The following FRMD4A variants were observed in gnomAD, a reference collection of about 807,000 sequenced individuals.
FRMD4A encodes the protein FERM domain containing 4A, also known as FERM domain-containing protein 4A.
A neutral mutation model predicts 129.1 loss-of-function variants in FRMD4A; 29 were observed. The ratio of observed to expected loss-of-function variants is 0.22; its 90% CI spans 0.17 to 0.31. The LOEUF (loss-of-function observed/expected upper bound fraction) is 0.31, where lower values mean the gene tolerates loss of function less well. Among genes scored for constraint, FRMD4A ranks in the 10% least tolerant of loss-of-function variants. The pLI, the probability that FRMD4A is intolerant of heterozygous loss-of-function variation, is 1.00. For missense variants in FRMD4A, 1,272 were observed against 1,375.8 expected (o/e 0.92, Z 1.19); for synonymous variants, 634 against 571.6 (o/e 1.11, Z -1.56).
intron 9 of FRMD4A, among the ~76,000 whole-genome samples, chr10:13,741,470 A>G (rs940629593): frequency 6.6e-6 from 1 of 152,064 alleles, no homozygotes; most frequent in Non-Finnish European, 1.5e-5. Context: ...AAACAAAAGA[A>G]CAAAAAGACT....
chr10:13,831,532 T>C (rs1340566387), intron 3 of FRMD4A, among the ~76,000 whole-genome samples: 8 of 152,188 alleles, frequency 5.3e-5, no homozygotes, highest in African/African-American at 1.9e-4. Context: ...GCATTAAGGT[T>C]TTCTGAACTG....
intron 2 of FRMD4A, among the ~76,000 whole-genome samples, chr10:14,227,783 C>G (rs535755776): frequency 1.3e-5 from 2 of 152,308 alleles, no homozygotes; most frequent in Admixed American, 1.3e-4. Context: ...GAACAGGTTC[C>G]TGGCTCATAG....
chr10:14,317,359 C>T (rs1343597894), intron 2 of FRMD4A, among the ~76,000 whole-genome samples: 2 of 152,152 alleles, frequency 1.3e-5, no homozygotes, highest in Non-Finnish European at 2.9e-5. Context: ...GTTCCCTGTA[C>T]CTGGAACTAC....
chr10:13,769,257 G>A (rs971975542), intron 6 of FRMD4A, among the ~76,000 whole-genome samples: 4 of 151,028 alleles, frequency 2.6e-5, no homozygotes, highest in Non-Finnish European at 5.9e-5. Flanking sequence ...GTGTGTACTG[G>A]TCACCGTGTC....
At chr10:14,014,158 G>C (rs957596697) in intron 2 of FRMD4A, among the ~76,000 whole-genome samples, 1 of 152,168 alleles carries the variant, frequency 6.6e-6, no homozygotes, top group Admixed American at 6.5e-5. Context: ...CCTGCCCCCA[G>C]CTGGGGGATG....
At chr10:13,999,998 T>A (rs2095636045) in intron 2 of FRMD4A, among the ~76,000 whole-genome samples, 1 of 152,210 alleles carries the variant, frequency 6.6e-6, no homozygotes, top group African/African-American at 2.4e-5. Flanking sequence ...TTATCCTATC[T>A]TTATCCCAGG....
At position 14,174,879 on chromosome 10, in the gene FRMD4A, CTGTGTGTGTGTGTGTGTGTGTGTGTGTG is replaced by C. The variant is rs56966643; in HGVS notation, c.45+155151_45+155178del. 4.6e-5 allele frequency among the ~76,000 whole-genome samples: 4 copies of C among 87,634 alleles called. No individual in the cohort carries two copies. The East Asian group carries it at 9.3e-4, about 20-fold the overall frequency. 57.5% of individuals were successfully genotyped at this position (87,634 alleles called of 152,430 possible). A position where few individuals can be genotyped will look rare whatever the true frequency, so the allele number is the denominator to read the frequency against. On this transcript the variant is annotated intron_variant, in intron 2 of 24. Coordinates refer to ENST00000357447, the MANE Select transcript of FRMD4A (RefSeq NM_018027.5). ...ATTAAAAAAAAAAGTGTGTGTGTGT[CTGTGTGTGTGTGTGTGTGTGTGTGTGTG>C]TGTGTGTGTGTGGACGCGCGCGTAC...
intron 2 of FRMD4A, among the ~76,000 whole-genome samples, chr10:14,108,785 A>G (rs1443786982): frequency 6.6e-6 from 1 of 152,186 alleles, no homozygotes; most frequent in Non-Finnish European, 1.5e-5. Flanking sequence ...CCTGAAGGGC[A>G]GGGATAAAAT....
At chr10:13,984,060 T>C (rs2131410026) in intron 2 of FRMD4A, among the ~76,000 whole-genome samples, 1 of 151,108 alleles carries the variant, frequency 6.6e-6, no homozygotes, top group East Asian at 2.0e-4. Context: ...GGGGTCTCGG[T>C]AGTGAGCCAC....
At chr10:14,209,328 C>T (rs1033365034) in intron 2 of FRMD4A, among the ~76,000 whole-genome samples, 1 of 152,156 alleles carries the variant, frequency 6.6e-6, no homozygotes, top group Non-Finnish European at 1.5e-5. Flanking sequence ...CCAAAGATGT[C>T]TACCTGGTTC....
At chr10:13,785,488 T>G (rs545971385) in intron 5 of FRMD4A, among the ~76,000 whole-genome samples, 6 of 152,350 alleles carry the variant, frequency 3.9e-5, no homozygotes, top group Non-Finnish European at 7.3e-5. Flanking sequence ...ACAGTAAAGT[T>G]AAACAACTTT....
intron 3 of FRMD4A, among the ~76,000 whole-genome samples, chr10:13,827,203 A>G (rs960094184): frequency 6.6e-6 from 1 of 152,196 alleles, no homozygotes; most frequent in South Asian, 2.1e-4. Flanking sequence ...CAGACAAAAG[A>G]AACGGGTTAG....
At chr10:14,241,269 C>G (rs577852527) in intron 2 of FRMD4A, among the ~76,000 whole-genome samples, 37 of 152,136 alleles carry the variant, frequency 2.4e-4, no homozygotes, top group Non-Finnish European at 4.6e-4. Flanking sequence ...GCAATCAGTC[C>G]TCATTCAGAG....
chr10:13,979,211 T>C (rs1322254235), intron 2 of FRMD4A, among the ~76,000 whole-genome samples: 1 of 152,066 alleles, frequency 6.6e-6, no homozygotes, highest in East Asian at 1.9e-4. Flanking sequence ...AAAAAATACA[T>C]ATTTGTTTTG....
chr10:14,039,728 T>C (rs1833705773), intron 2 of FRMD4A, among the ~76,000 whole-genome samples: 1 of 152,154 alleles, frequency 6.6e-6, no homozygotes, highest in African/African-American at 2.4e-5. Flanking sequence ...GTGAACCCTC[T>C]TCCTCACTTT....
chr10:14,215,019 A>C (rs1449608116), intron 2 of FRMD4A, among the ~76,000 whole-genome samples: 1 of 152,218 alleles, frequency 6.6e-6, no homozygotes, highest in Non-Finnish European at 1.5e-5. Context: ...AGCATGATGA[A>C]TTGGATCACT....
intron 3 of FRMD4A, among the ~76,000 whole-genome samples, chr10:13,826,099 G>A (rs1215508675): frequency 6.6e-6 from 1 of 152,234 alleles, no homozygotes; most frequent in Non-Finnish European, 1.5e-5. Flanking sequence ...TCCCAAAGCT[G>A]TCACGAGGAC....
intron 15 of FRMD4A, chr10:13,685,757 A>G (rs1366351506): frequency 6.3e-6 from 2 of 319,824 alleles, no homozygotes; most frequent in Non-Finnish European, 9.0e-6. Flanking sequence ...GGAGTGAGCT[A>G]GCATTGCACC....
intron 6 of FRMD4A, among the ~76,000 whole-genome samples, chr10:13,777,369 A>G (rs2092620744): frequency 1.7e-5 from 2 of 117,310 alleles, no homozygotes; most frequent in South Asian, 6.3e-4. Context: ...ATTTGTACAA[A>G]TGAAAATATT....
Sources: allele counts gnomAD v4.1 joint callset (sites outside exome capture counted in the v4.1 genomes callset), GRCh38; gene constraint gnomAD v4.1.1; transcripts MANE v1.5; gene names NCBI Gene and HGNC (gene_info 2026-07-23, HGNC 2026-07-21).